SYTL5: variants seen among roughly 807,000 people sequenced by gnomAD.
SYTL5 encodes the protein synaptotagmin-like protein 5.
In SYTL5, 34 loss-of-function variants were observed where a neutral mutation model predicts 55.9. That is an observed-to-expected ratio of 0.61 (90% CI 0.46 to 0.81). The LOEUF (loss-of-function observed/expected upper bound fraction) is 0.81. Ranked by LOEUF, SYTL5 falls within the 30% of genes least tolerant of loss-of-function variation. The pLI, the probability that SYTL5 is intolerant of heterozygous loss-of-function variation, is 0.00. For missense variants in SYTL5, 637 were observed against 546.7 expected (o/e 1.17, Z -1.65); for synonymous variants, 221 against 188.7 (o/e 1.17, Z -1.40).
chrX:38,123,589 A>T (rs1388123867), intron 15 of SYTL5, among the ~76,000 whole-genome samples: 2 of 111,644 alleles, frequency 1.8e-5, no homozygotes, highest in Non-Finnish European at 3.8e-5. Context: ...CTGCAGTTAC[A>T]ATTTGTGTCA....
chrX:37,948,555 A>T, the SYTL5 span, among the ~76,000 whole-genome samples: 1 of 109,949 alleles, frequency 9.1e-6, no homozygotes, highest in African/African-American at 3.3e-5. Flanking sequence ...AGAGTATACA[A>T]CTTGATGATT....
At chrX:37,896,120 T>C in the SYTL5 span, among the ~76,000 whole-genome samples, 5 of 112,209 alleles carry the variant, frequency 4.5e-5, no homozygotes, top group Admixed American at 9.4e-5. Context: ...CATACAAATG[T>C]AGCAATTGAT....
intron 1 of SYTL5, among the ~76,000 whole-genome samples, chrX:38,007,409 G>GA (rs752160997): frequency 2.6e-3 from 286 of 111,336 alleles, no homozygotes; most frequent in Non-Finnish European, 4.5e-3. Flanking sequence ...TCATTTAAAT[G>GA]AAAAACGTAA....
chrX:37,964,856 G>T, the SYTL5 span, among the ~76,000 whole-genome samples: 5 of 110,502 alleles, frequency 4.5e-5, no homozygotes, highest in African/African-American at 1.6e-4. Context: ...TATCCTTCTA[G>T]TTTATCCAGT....
chrX:37,949,768 T>C, the SYTL5 span, among the ~76,000 whole-genome samples: 324 of 112,251 alleles, frequency 2.9e-3, 1 homozygote, highest in African/African-American at 0.01. Context: ...TGCACCTGGG[T>C]GCCCAGTTGA....
chrX:37,991,380 G>T, the SYTL5 span: 9 of 757,697 alleles, frequency 1.2e-5, no homozygotes, highest in Non-Finnish European at 1.7e-5. Context: ...ACATCCAGGG[G>T]AAGCTATCCC....
chrX:37,930,344 G>A, the SYTL5 span, among the ~76,000 whole-genome samples: 1 of 111,890 alleles, frequency 8.9e-6, no homozygotes, highest in Admixed American at 9.4e-5. Context: ...TTGACCATAC[G>A]AATATGTTTT....
At chrX:37,924,411 A>C in the SYTL5 span, among the ~76,000 whole-genome samples, 1 of 111,814 alleles carries the variant, frequency 8.9e-6, no homozygotes, top group Non-Finnish European at 1.9e-5. Context: ...ATAGTATATA[A>C]AGTGTGTGGC....
In SYTL5 at chrX:38,073,635, A is replaced by G; in HGVS notation, c.491A>G (p.Glu164Gly). The change falls in exon 5 of 17, where the codon GAA becomes GGA. Residue 164 changes from glutamate (E) to glycine (G), a missense_variant. By Grantham distance (98) the Glu-to-Gly change is moderately conservative. Transcript: ENST00000297875. ...QSQEQTRQDA[E>G]KSDTSPVAGK... ...CAAGAGCAAACCCGCCAGGATGCAG[A>G]AAAGTCAGACACTTCACCTGTTGCT... 1 of 1,200,652 alleles carries G rather than the reference A, an allele frequency of 8.3e-7. No homozygotes were observed.
At chrX:38,119,522 T>G (rs764376998) in intron 13 of SYTL5, among the ~76,000 whole-genome samples, 1 of 112,893 alleles carries the variant, frequency 8.9e-6, no homozygotes, top group South Asian at 3.7e-4. Flanking sequence ...CTATTCCATT[T>G]TTATTAATGG....
chrX:37,893,616 C>T, the SYTL5 span, among the ~76,000 whole-genome samples: 1 of 64,507 alleles, frequency 1.6e-5, no homozygotes, highest in Admixed American at 1.7e-4. Context: ...TATATACAAT[C>T]TATATATAAT....
chrX:38,051,765 C>T (rs1038012030), intron 2 of SYTL5, among the ~76,000 whole-genome samples: 1 of 111,285 alleles, frequency 9.0e-6, no homozygotes, highest in Non-Finnish European at 1.9e-5. Context: ...GTCGTCATTA[C>T]CATTTCTCCA....
chrX:38,011,321 C>G (rs927554946), intron 1 of SYTL5, among the ~76,000 whole-genome samples: 7 of 112,199 alleles, frequency 6.2e-5, no homozygotes, highest in African/African-American at 2.3e-4. Context: ...CTGATGCTCT[C>G]TGTTTCCTAG....
the SYTL5 span, among the ~76,000 whole-genome samples, chrX:37,904,083 A>C: frequency 9.0e-6 from 1 of 111,128 alleles, no homozygotes; most frequent in African/African-American, 3.3e-5. Flanking sequence ...AGTTGAATGA[A>C]TTAATGAAGA....
At chrX:37,909,293 A>G in the SYTL5 span, among the ~76,000 whole-genome samples, 1 of 112,254 alleles carries the variant, frequency 8.9e-6, no homozygotes, top group South Asian at 3.7e-4. Flanking sequence ...GGGAGATCAG[A>G]TAAGCAAGTA....
chrX:38,093,673 A>G (rs187040288), intron 7 of SYTL5, among the ~76,000 whole-genome samples: 3 of 111,599 alleles, frequency 2.7e-5, no homozygotes, highest in Middle Eastern at 4.6e-3. Flanking sequence ...TAACAAGCAG[A>G]CACCACACAA....
At chrX:38,103,011 A>G (rs1937120169) in intron 10 of SYTL5, 2 of 1,126,370 alleles carry the variant, frequency 1.8e-6, no homozygotes, top group Admixed American at 2.7e-5. Flanking sequence ...TGATCTTTGG[A>G]TGACTTCTCT....
intron 2 of SYTL5, among the ~76,000 whole-genome samples, chrX:38,040,566 G>A (rs1046995882): frequency 3.7e-5 from 4 of 108,088 alleles, no homozygotes; most frequent in Non-Finnish European, 7.6e-5. Context: ...ACAAATAAGT[G>A]AGAACATGCG....
At chrX:38,010,151 A>G (rs1934128093) in intron 1 of SYTL5, among the ~76,000 whole-genome samples, 1 of 112,512 alleles carries the variant, frequency 8.9e-6, no homozygotes, top group Non-Finnish European at 1.9e-5. Flanking sequence ...TGGGGATAAC[A>G]ATAGTTTCTA....
Sources: allele counts gnomAD v4.1 joint callset (sites outside exome capture counted in the v4.1 genomes callset), GRCh38; gene constraint gnomAD v4.1.1; transcripts MANE v1.5; gene names NCBI Gene and HGNC (gene_info 2026-07-23, HGNC 2026-07-21).